Variants in LYZL1 observed in about 807,000 individuals in gnomAD.
LYZL1 encodes the protein lysozyme-like protein 1.
LYZL1 carries 16 observed loss-of-function variants against 17.9 expected under a neutral mutation model. That is an observed-to-expected ratio of 0.90 (90% CI 0.61 to 1.36). LYZL1 has a LOEUF of 1.36. LYZL1 is among the 40% of genes most tolerant of loss of function. LYZL1 has a pLI of 0.00. For missense variants in LYZL1, 149 were observed against 188.4 expected (o/e 0.79, Z 1.22); for synonymous variants, 58 against 71.8 (o/e 0.81, Z 0.97).
At chr10:29,314,090 TC>T (rs1489409166), downstream of LYZL1, among the ~76,000 whole-genome samples, 1 of 152,162 alleles carries the variant, frequency 6.6e-6, no homozygotes, top group African/African-American at 2.4e-5. Flanking sequence ...CCCTCAGGTG[TC>T]CTTGCTCTTG....
At chr10:29,304,325 C>T (rs1204769886) in intron 3 of LYZL1, among the ~76,000 whole-genome samples, 3 of 152,120 alleles carry the variant, frequency 2.0e-5, no homozygotes, top group African/African-American at 2.4e-5. Context: ...TGATTATTGA[C>T]TCTCTATCTA....
intron 3 of LYZL1, among the ~76,000 whole-genome samples, chr10:29,297,411 A>G (rs1386218845): frequency 2.6e-5 from 4 of 152,132 alleles, no homozygotes; most frequent in Non-Finnish European, 4.4e-5. Flanking sequence ...TACAGCAGTC[A>G]CTCCTTGTCT....
intron 3 of LYZL1, among the ~76,000 whole-genome samples, chr10:29,306,739 A>G (rs1835599991): frequency 6.6e-6 from 1 of 151,796 alleles, no homozygotes; most frequent in African/African-American, 2.4e-5. Flanking sequence ...ACATTGTGAA[A>G]TGATTATTAC....
intron 3 of LYZL1, among the ~76,000 whole-genome samples, chr10:29,297,525 A>G (rs1213712222): frequency 1.3e-5 from 2 of 152,214 alleles, no homozygotes; most frequent in Admixed American, 6.5e-5. Flanking sequence ...TTTAAATTGC[A>G]TGCCATTCTG....
At chr10:29,313,962 C>T (rs905709017), downstream of LYZL1, among the ~76,000 whole-genome samples, 24 of 152,226 alleles carry the variant, frequency 1.6e-4, no homozygotes, top group African/African-American at 5.3e-4. Flanking sequence ...ACACCTCCCA[C>T]TCCCCCAGCA....
chr10:29,302,387 G>T (rs1835531441), intron 3 of LYZL1, among the ~76,000 whole-genome samples: 1 of 151,522 alleles, frequency 6.6e-6, no homozygotes, highest in African/African-American at 2.4e-5. Context: ...AGGGCAGGCT[G>T]CTCGTAAGGA....
chr10:29,296,804 C>T (rs932031097), intron 3 of LYZL1, among the ~76,000 whole-genome samples: 1 of 152,158 alleles, frequency 6.6e-6, no homozygotes, highest in Non-Finnish European at 1.5e-5. Flanking sequence ...TCAAACCTCC[C>T]TGCAGTGAGA....
At chr10:29,308,270 A>G (rs116606862) in intron 3 of LYZL1, among the ~76,000 whole-genome samples, 9 of 152,200 alleles carry the variant, frequency 5.9e-5, no homozygotes, top group Non-Finnish European at 1.0e-4. Flanking sequence ...ACCCAGTGAC[A>G]TGTGAGGCAG....
At chr10:29,310,496 G>T (rs1020060936) in intron 4 of LYZL1, among the ~76,000 whole-genome samples, 2 of 145,034 alleles carry the variant, frequency 1.4e-5, no homozygotes, top group African/African-American at 5.3e-5. Context: ...ATCAATTCGA[G>T]AGAGGAAAAA....
intron 3 of LYZL1, among the ~76,000 whole-genome samples, chr10:29,308,705 G>A (rs7094970): frequency 0.42 from 64,325 of 152,108 alleles, 14,720 homozygotes; most frequent in African/African-American, 0.62. Flanking sequence ...GCTGGCTGTA[G>A]TATCAGCACT....
intron 1 of LYZL1, among the ~76,000 whole-genome samples, chr10:29,290,073 G>C (rs1335143646): frequency 2.6e-5 from 4 of 152,110 alleles, no homozygotes; most frequent in Admixed American, 1.3e-4. Context: ...TGGTGCGGTG[G>C]CCTTGCTGAT....
At chr10:29,291,050 T>A (rs1751951) in intron 1 of LYZL1, among the ~76,000 whole-genome samples, 2 of 151,982 alleles carry the variant, frequency 1.3e-5, no homozygotes, top group African/African-American at 4.8e-5. Flanking sequence ...ATCCAGTTGA[T>A]CCTTGAACAA....
At chr10:29,311,273 A>C (rs1406520871), downstream of LYZL1, 4 of 1,394,892 alleles carry the variant, frequency 2.9e-6, no homozygotes, top group Non-Finnish European at 3.7e-6. Flanking sequence ...TGGTGTTAAG[A>C]CTTGAAAAAT....
At chr10:29,311,650 A>G (rs1304200050), downstream of LYZL1, among the ~76,000 whole-genome samples, 2 of 152,126 alleles carry the variant, frequency 1.3e-5, no homozygotes, top group African/African-American at 4.8e-5. Context: ...TGTATTCTGC[A>G]TTTTCCAAGT....
intron 3 of LYZL1, among the ~76,000 whole-genome samples, chr10:29,295,294 G>A (rs1180063196): frequency 6.6e-6 from 1 of 152,140 alleles, no homozygotes; most frequent in African/African-American, 2.4e-5. Context: ...TTCAAAACAA[G>A]TTTGCTTTAT....
intron 1 of LYZL1, among the ~76,000 whole-genome samples, chr10:29,290,755 C>T (rs1184576442): frequency 2.6e-5 from 4 of 152,134 alleles, no homozygotes; most frequent in Non-Finnish European, 5.9e-5. Context: ...AGGAGAATCG[C>T]TTGAACCTGG....
At chr10:29,293,704 G>A (rs1835408295) in intron 3 of LYZL1, among the ~76,000 whole-genome samples, 2 of 152,250 alleles carry the variant, frequency 1.3e-5, no homozygotes, top group South Asian at 4.1e-4. Flanking sequence ...CAGGCACAGT[G>A]GCTCATGCCT....
chr10:29,308,105 TG>T (rs1835620886), intron 3 of LYZL1, among the ~76,000 whole-genome samples: 2 of 152,200 alleles, frequency 1.3e-5, no homozygotes, highest in Non-Finnish European at 2.9e-5. Flanking sequence ...TGTCCTTGAT[TG>T]GTGGTTGTGG....
In LYZL1 at chr10:29,293,127, C is replaced by CTTTTCTTTTTT. The variant is rs1835397932; in HGVS notation, c.298+454_298+455insCTTTTTTTTTT. 6.8e-4 allele frequency among the ~76,000 whole-genome samples: 71 copies of CTTTTCTTTTTT among 104,172 alleles called. 2 individuals carry two copies. Among genetic ancestry groups the CTTTTCTTTTTT allele is most frequent in the South Asian group, 9.8e-4 (3 of 3,062 alleles). 68.3% of individuals were successfully genotyped at this position (104,172 alleles called of 152,430 possible). ...TCTTTCTTTTTTTTTCTTTTCTTTTCTTTTTTCTTTTTTTTTTTTTTTTGA... is the reference window on the plus strand; with the variant it reads ...TCTTTCTTTTTTTTTCTTTTCTTTTCTTTTCTTTTTTTTTTTTCTTTTTTTTTTTTTTTTGA... On this transcript the variant is annotated intron_variant, in intron 3 of 4. Coordinates refer to ENST00000649382, the MANE Select transcript of LYZL1 (RefSeq NM_032517.6).
Sources: allele counts gnomAD v4.1 joint callset (sites outside exome capture counted in the v4.1 genomes callset), GRCh38; gene constraint gnomAD v4.1.1; transcripts MANE v1.5; gene names NCBI Gene and HGNC (gene_info 2026-07-23, HGNC 2026-07-21).